Variants in UMODL1 observed in about 807,000 individuals in gnomAD.
The protein encoded by UMODL1 is uromodulin-like 1.
In UMODL1, 128 loss-of-function variants were observed where a neutral mutation model predicts 136.3. The observed-to-expected ratio is 0.94, with a 90% CI of 0.81 to 1.09. The LOEUF (loss-of-function observed/expected upper bound fraction) is 1.09. UMODL1 is among the 50% of genes least tolerant of loss of function. UMODL1 has a pLI of 0.00. For missense variants in UMODL1, 1,766 were observed against 1,725.6 expected (o/e 1.02, Z -0.41); for synonymous variants, 721 against 720.0 (o/e 1.00, Z -0.02).
rs1193759850 is a variant in UMODL1, at chr21:42,122,974, G to T, written c.2971G>T (p.Val991Leu). 1 of 1,613,942 alleles carries T rather than the reference G, an allele frequency of 6.2e-7. No individual in the cohort carries two copies. Among genetic ancestry groups the T allele is most frequent in the African/African-American group, 1.3e-5 (1 of 74,926 alleles). Residue 991 changes from valine to leucine, a missense_variant, in exon 17 of 23, where the codon GTG becomes TTG. Coordinates refer to ENST00000408910, the MANE Select transcript of UMODL1 (RefSeq NM_001004416.3). The surrounding 1 kb of genome is among the most constrained non-coding windows in gnomAD (Gnocchi z 4.3). ...QRLNLTGAVR[V>L]LCEIEKVVVA... ...GCTGAACCTGACCGGAGCAGTCAGG[G>T]TGCTCTGTGAGATCGAGAAGGTGGT...
At chr21:42,135,267 C>T (rs144399034) in intron 21 of UMODL1, among the ~76,000 whole-genome samples, 64 of 152,350 alleles carry the variant, frequency 4.2e-4, no homozygotes, top group Admixed American at 1.8e-3. Flanking sequence ...TGGGAAATTA[C>T]CATCCACAGT....
In UMODL1 at chr21:42,090,360, C is replaced by T. The variant is rs185926539; in HGVS notation, c.853C>T (p.Leu285=). The T allele has an allele frequency of 6.2e-7, 1 of 1,613,988 alleles. No individual in the cohort carries two copies. Among genetic ancestry groups the T allele is most frequent in the African/African-American group, 1.3e-5 (1 of 74,920 alleles). Residue 285 remains leucine, a synonymous_variant, in exon 6 of 23, where the codon CTG becomes TTG. Transcript: ENST00000408910. The part of the protein sequence containing the change: ...ACSGRELCAN[L]EGSYWCVCHQ... Reference sequence around the variant, plus strand: ...CTCTGGAAGGGAACTGTGCGCAAACCTGGAGGGCTCGTACTGGTGCGTCTG... The same window carrying T: ...CTCTGGAAGGGAACTGTGCGCAAACTTGGAGGGCTCGTACTGGTGCGTCTG...
chr21:42,103,956 T>C lies in UMODL1; in HGVS notation c.1388T>C (p.Val463Ala). The change falls in exon 9 of 23, where the codon GTG (valine) becomes GCG (alanine). Residue 463 changes from valine to alanine, a missense_variant. By Grantham distance (64) the Val-to-Ala change is moderately conservative (BLOSUM62 0). Transcript: ENST00000408910. ...MQIVSLQAGS[V>A]VVRLKLTVQD... Reference sequence around the variant, plus strand: ...ATCGTGTCTCTCCAGGCGGGAAGTGTGGTCGTGAGGCTCAAGCTCACCGTG... The same window carrying C: ...ATCGTGTCTCTCCAGGCGGGAAGTGCGGTCGTGAGGCTCAAGCTCACCGTG... 1 of 1,614,024 alleles carries C rather than the reference T, an allele frequency of 6.2e-7. No homozygotes were observed. The highest frequency in any genetic ancestry group is 8.5e-7 in the Non-Finnish European group (1 of 1,180,020).
In UMODL1 at chr21:42,085,154, T is replaced by A. The variant is rs1453153688; in HGVS notation, c.482-137T>A. ...TCCCCCGTCTCCTGTGGTAGATGTC[T>A]TTTTGCAGGGAGGTAAATGCAGAGC... On this transcript the variant is annotated intron_variant, in intron 3 of 22. Coordinates refer to ENST00000408910, the MANE Select transcript of UMODL1 (RefSeq NM_001004416.3). This position sits in a 1 kb window ranked among gnomAD's most constrained non-coding sequence, Gnocchi z 4.5. 1 of 1,136,638 alleles carries A rather than the reference T, an allele frequency of 8.8e-7. No homozygotes were observed. Among genetic ancestry groups the A allele is most frequent in the East Asian group, 2.5e-5 (1 of 40,370 alleles). 70.4% of individuals were successfully genotyped at this position (1,136,638 alleles called of 1,614,324 possible). A position where few individuals can be genotyped will look rare whatever the true frequency, so the allele number is the denominator to read the frequency against.
At chr21:42,104,360 G>A (rs1397510027) in intron 9 of UMODL1, among the ~76,000 whole-genome samples, 1 of 152,158 alleles carries the variant, frequency 6.6e-6, no homozygotes, top group Non-Finnish European at 1.5e-5. Context: ...TGTCGTCAGG[G>A]CCCCCCAGCA....
chr21:42,101,587 T>A lies in UMODL1; in HGVS notation c.1187-579T>A, dbSNP rs1449424690. The A allele has an allele frequency of 7.7e-6, 3 of 391,980 alleles. No individual in the cohort carries two copies. In the East Asian group the frequency reaches 2.2e-4, roughly 29 times the overall value. The allele number at this position is 391,980 out of a possible 1,614,324, so 24.3% of individuals were successfully genotyped here. On this transcript the variant is annotated intron_variant, in intron 7 of 22. Transcript: ENST00000408910. ...TTGGGTTGTGCATGCTGGGTTTCCT[T>A]TCAGTAATGAAAGATGAATATTCCC...
In UMODL1 at chr21:42,102,192, A is replaced by G; in HGVS notation, c.1213A>G (p.Lys405Glu). Reference protein sequence around the residue: ...TNAQVFEVTIKIVNHNLTEKL... With the variant: ...TNAQVFEVTIEIVNHNLTEKL... ...TGCCCAGGTATTTGAAGTCACAATAAAGATTGTAAACCACAACCTGACGGA... is the reference window on the plus strand; with the variant it reads ...TGCCCAGGTATTTGAAGTCACAATAGAGATTGTAAACCACAACCTGACGGA... The change falls in exon 8 of 23, where the codon AAG becomes GAG. Residue 405 changes from lysine (K) to glutamate (E), a missense_variant. By Grantham distance (56) the Lys-to-Glu change is moderately conservative (BLOSUM62 1). Coordinates refer to ENST00000408910, the MANE Select transcript of UMODL1 (RefSeq NM_001004416.3). 1 of 1,613,524 alleles carries G rather than the reference A, an allele frequency of 6.2e-7. No individual in the cohort carries two copies. The highest frequency in any genetic ancestry group is 2.2e-5 in the East Asian group (1 of 44,868).
In UMODL1 at chr21:42,088,222, C is replaced by T. The variant is rs148231196; in HGVS notation, c.604-72C>T. On this transcript the variant is annotated intron_variant, in intron 4 of 22. Transcript: ENST00000408910. ...GTGTGGACAGTTCATTTCAGCTCTG[C>T]GGGCCTCAGTCTCCTCGTCTGTCTG... 2.4e-4 allele frequency: 358 copies of T among 1,520,144 alleles called. No individual in the cohort carries two copies. The Middle Eastern group carries it at 2.6e-3, about 11-fold the overall frequency. 94.2% of individuals were successfully genotyped at this position (1,520,144 alleles called of 1,614,324 possible).
rs1429300001 is a variant in UMODL1 at position 42,109,705 on chromosome 21, T to A, written c.1657+6T>A. 3.7e-6 allele frequency: 6 copies of A among 1,600,492 alleles called. No homozygotes were observed. The highest frequency in any genetic ancestry group is 5.1e-6 in the Non-Finnish European group (6 of 1,179,742). On this transcript the variant is annotated splice_donor_region_variant and intron_variant, in intron 10 of 22. Coordinates refer to ENST00000408910, the MANE Select transcript of UMODL1 (RefSeq NM_001004416.3). Reference sequence around the variant, plus strand: ...CGCAGGCCGGGCCTGTGAGGGTACGTGTCGACCCCCCTGCCGACTCTGGGA... The same window carrying A: ...CGCAGGCCGGGCCTGTGAGGGTACGAGTCGACCCCCCTGCCGACTCTGGGA...
intron 21 of UMODL1, among the ~76,000 whole-genome samples, chr21:42,137,146 C>T (rs1171137353): frequency 6.6e-6 from 1 of 152,176 alleles, no homozygotes; most frequent in African/African-American, 2.4e-5. Flanking sequence ...CCCGTGTGTC[C>T]ATGCAGGGAA....
In UMODL1 at chr21:42,099,246, C is replaced by T. The variant is rs536018966; in HGVS notation, c.1186+66C>T. ...TGTCTTTCTATCCCAGGTCTGTGGCCCTAGCATGTCGCGTTCTTCTTCCTA... is the reference window on the plus strand; with the variant it reads ...TGTCTTTCTATCCCAGGTCTGTGGCTCTAGCATGTCGCGTTCTTCTTCCTA... On this transcript the variant is annotated intron_variant, in intron 7 of 22. Transcript: ENST00000408910. This position sits in a 1 kb window ranked among gnomAD's most constrained non-coding sequence, Gnocchi z 4.1. 1.9e-6 allele frequency: 3 copies of T among 1,569,026 alleles called. No homozygotes were observed. The highest frequency in any genetic ancestry group is 2.6e-6 in the Non-Finnish European group (3 of 1,157,220).
chr21:42,099,344 C>T lies in UMODL1; in HGVS notation c.1186+164C>T, dbSNP rs560743699. ...CCTCCCAGTCATCCCACTGCCTGCC[C>T]GGCATTGCACCGGCCCGCTGGTGCC... On this transcript the variant is annotated intron_variant, in intron 7 of 22. Coordinates refer to ENST00000408910, the MANE Select transcript of UMODL1 (RefSeq NM_001004416.3). The surrounding 1 kb of genome is among the most constrained non-coding windows in gnomAD (Gnocchi z 4.1). Among the ~76,000 whole-genome samples the T allele has an allele frequency of 1.1e-4, 17 of 152,298 alleles. No individual in the cohort carries two copies. The East Asian group carries it at 1.7e-3, about 16-fold the overall frequency.
intron 21 of UMODL1, among the ~76,000 whole-genome samples, chr21:42,130,810 T>A (rs1340825372): frequency 7.4e-6 from 1 of 135,624 alleles, no homozygotes. Flanking sequence ...TGACCTCCAC[T>A]TTTTTTTTTT....
chr21:42,068,123 G>A (rs558361766), upstream of UMODL1, among the ~76,000 whole-genome samples: 1 of 152,146 alleles, frequency 6.6e-6, no homozygotes, highest in Non-Finnish European at 1.5e-5. The surrounding 1 kb of genome is among the most constrained non-coding windows in gnomAD (Gnocchi z 5.5). Flanking sequence ...GGATGTGGTC[G>A]TTCCAGCAGG....
At chr21:42,103,762 A>G (rs1180922765) in intron 8 of UMODL1, 106 bp from the exon 9 acceptor site, 2 of 1,331,268 alleles carry the variant, frequency 1.5e-6, no homozygotes, top group East Asian at 2.3e-5. Context: ...TCTTGATTGT[A>G]GAGGAGAGAA....
chr21:42,126,924 T>G, intron 18 of UMODL1, 82 bp from the exon 19 acceptor site: 1 of 1,134,586 alleles, frequency 8.8e-7, no homozygotes, highest in Non-Finnish European at 1.3e-6. Context: ...GGAGCTGTGT[T>G]TTAGGGGAGA....
Position 42,119,283 on chromosome 21 carries a change from T to C in UMODL1, c.2648T>C (p.Val883Ala), listed in dbSNP as rs2146522058. ...SAAFLTAFQT[V>A]PLLEVIRGDT... ...GCATTTCTCACCGCCTTCCAGACCG[T>C]GCCTCTGCTGGAGGTGATCAGAGGC... is the stretch of plus-strand genomic sequence containing the variant. The change falls in exon 15 of 23, where the codon GTG becomes GCG. Residue 883 changes from valine (V) to alanine (A), a missense_variant. Physicochemically the swap from Val to Ala is moderately conservative, Grantham distance 64. Coordinates refer to ENST00000408910, the MANE Select transcript of UMODL1 (RefSeq NM_001004416.3). 6.2e-7 allele frequency: 1 copy of C among 1,614,206 alleles called. No individual in the cohort carries two copies. Among genetic ancestry groups the C allele is most frequent in the East Asian group, 2.2e-5 (1 of 44,882 alleles).
In UMODL1 at chr21:42,123,921, G is replaced by A. The variant is rs2067015731; in HGVS notation, c.3147+771G>A. ...GATGGGCTGTGGGGCTCCCGGGACA[G>A]AGGGAGCCCAGGTGGGGAAAGTGGG... On this transcript the variant is annotated intron_variant, in intron 17 of 22. Coordinates refer to ENST00000408910, the MANE Select transcript of UMODL1 (RefSeq NM_001004416.3). This position sits in a 1 kb window ranked among gnomAD's most constrained non-coding sequence, Gnocchi z 4.4. 6.6e-6 allele frequency among the ~76,000 whole-genome samples: 1 copy of A among 152,228 alleles called. No individual in the cohort carries two copies. Among genetic ancestry groups the A allele is most frequent in the Non-Finnish European group, 1.5e-5 (1 of 68,040 alleles).
intron 21 of UMODL1, among the ~76,000 whole-genome samples, chr21:42,136,151 C>T (rs1054164773): frequency 6.6e-6 from 1 of 152,056 alleles, no homozygotes; most frequent in Admixed American, 6.5e-5. Context: ...AGGGGCCAGC[C>T]AGAGAGCCAG....
Sources: gnomAD v4.1 joint callset for allele counts (sites outside exome capture counted in the v4.1 genomes callset) on GRCh38, gnomAD v4.1.1 for gene constraint, Gnocchi (gnomAD v3.1) non-coding constraint, MANE v1.5 for transcripts, NCBI Gene and HGNC (gene_info 2026-07-23, HGNC 2026-07-21) for gene names.